ACSM2A: variants seen among roughly 807,000 people sequenced by gnomAD.
The protein encoded by ACSM2A is acyl-coenzyme A synthetase ACSM2A, mitochondrial.
ACSM2A carries 72 observed loss-of-function variants against 76.6 expected under a neutral mutation model. The ratio of observed to expected loss-of-function variants is 0.94; its 90% CI spans 0.78 to 1.14. ACSM2A has a LOEUF of 1.14. ACSM2A is among the 50% of genes most tolerant of loss of function. The pLI, the probability that ACSM2A is intolerant of heterozygous loss-of-function variation, is 0.00. For synonymous variants in ACSM2A, 249 were observed against 255.9 expected (o/e 0.97, Z 0.26); for missense variants, 684 against 708.5 (o/e 0.97, Z 0.39).
chr16:20,459,169 G>A (rs1304493624), intron 1 of ACSM2A, among the ~76,000 whole-genome samples: 1 of 151,798 alleles, frequency 6.6e-6, no homozygotes, highest in African/African-American at 2.4e-5. Context: ...AGGAGGTGAG[G>A]AATAAAAGGG....
intron 4 of ACSM2A, chr16:20,470,709 T>C: frequency 2.2e-6 from 1 of 447,346 alleles, no homozygotes; most frequent in Non-Finnish European, 4.4e-6. Context: ...ATGCCAGAGC[T>C]CTTCACAACA....
chr16:20,475,917 G>C, intron 8 of ACSM2A, 144 bp downstream of exon 8: 1 of 1,499,176 alleles, frequency 6.7e-7, no homozygotes. Flanking sequence ...CAGGTACTGA[G>C]TATTGAAAAT....
chr16:20,459,314 G>A (rs1041277741), intron 1 of ACSM2A, among the ~76,000 whole-genome samples: 1 of 152,104 alleles, frequency 6.6e-6, no homozygotes, highest in African/African-American at 2.4e-5. Context: ...TTTCTAAAGT[G>A]ATTGTGTTAG....
chr16:20,468,510 C>A (rs1405165759), intron 3 of ACSM2A, among the ~76,000 whole-genome samples: 1 of 152,170 alleles, frequency 6.6e-6, no homozygotes, highest in Non-Finnish European at 1.5e-5. Context: ...CAGGCGTGTG[C>A]CATCAAGCCC....
chr16:20,468,502 G>A (rs984296411), intron 3 of ACSM2A, among the ~76,000 whole-genome samples: 20 of 152,212 alleles, frequency 1.3e-4, no homozygotes, highest in Non-Finnish European at 1.5e-4. Flanking sequence ...TGGGATTACA[G>A]GCGTGTGCCA....
At chr16:20,467,220 T>C (rs1197644374) in intron 3 of ACSM2A, among the ~76,000 whole-genome samples, 1 of 152,160 alleles carries the variant, frequency 6.6e-6, no homozygotes, top group Admixed American at 6.5e-5. Context: ...AAGAAAGTAG[T>C]GGCAATAGAA....
At chr16:20,458,927 TATATAC>T (rs1411737695) in intron 1 of ACSM2A, among the ~76,000 whole-genome samples, 2,432 of 63,284 alleles carry the variant, frequency 0.038, 60 homozygotes, top group African/African-American at 0.15. Flanking sequence ...TATATATATA[TATATAC>T]ATATATATAT....
intron 3 of ACSM2A, among the ~76,000 whole-genome samples, chr16:20,466,126 A>T (rs2012980682): frequency 6.7e-6 from 1 of 149,902 alleles, no homozygotes; most frequent in African/African-American, 2.4e-5. Flanking sequence ...AAGTTTTATT[A>T]TAACACAGTA....
At chr16:20,472,830 G>C (rs1409769814) in intron 6 of ACSM2A, among the ~76,000 whole-genome samples, 1 of 152,114 alleles carries the variant, frequency 6.6e-6, no homozygotes, top group East Asian at 1.9e-4. Context: ...GTTTTAGCTG[G>C]CTGCAAAGTA....
rs1682873765 is a variant in ACSM2A, at chr16:20,486,978, G to A, written c.*300G>A. 4.1e-6 allele frequency: 1 copy of A among 245,356 alleles called. No homozygotes were observed. Among genetic ancestry groups the A allele is most frequent in the Non-Finnish European group, 7.7e-6 (1 of 129,468 alleles). 15.2% of individuals were successfully genotyped at this position (245,356 alleles called of 1,614,324 possible). On this transcript the variant is annotated 3_prime_UTR_variant, in exon 14 of 14. Coordinates refer to ENST00000573854, the MANE Select transcript of ACSM2A (RefSeq NM_001308172.2). ...AAGAAATAAAGTAGGGAAAGAAGGA[G>A]AGAGGAAGCAAGGGAAGGAGGAAGA... is the stretch of plus-strand genomic sequence containing the variant.
intron 2 of ACSM2A, among the ~76,000 whole-genome samples, chr16:20,462,975 G>T (rs1023987387): frequency 1.3e-5 from 2 of 149,910 alleles, no homozygotes; most frequent in African/African-American, 4.9e-5. Context: ...GCAAACTATC[G>T]CAAGGACAAA....
rs372070297 is a variant in ACSM2A at position 20,460,283 on chromosome 16, A to G, written c.169A>G (p.Met57Val). 8.0e-5 allele frequency: 129 copies of G among 1,613,586 alleles called. No homozygotes were observed. The highest frequency in any genetic ancestry group is 3.3e-4 in the Middle Eastern group (2 of 6,076). ...TGATGTGTTGGATCACTGGGCTGAC[A>G]TGGAGAAGGTAATGGGGTGGAAAAG... ...ASDVLDHWAD[M>V]EKAGKRLPSP... The change falls in exon 2 of 14, where the codon ATG (methionine) becomes GTG (valine). Residue 57 changes from methionine to valine, a missense_variant. Physicochemically the swap from Met to Val is conservative, Grantham distance 21. Around this residue, in one of 3 missense-constraint regions of ACSM2A, gnomAD observed 519 missense variants for 549.5 expected, o/e 0.94. Coordinates refer to ENST00000573854, the MANE Select transcript of ACSM2A (RefSeq NM_001308172.2).
At chr16:20,471,342 G>A (rs2141725725) in intron 5 of ACSM2A, 126 bp downstream of exon 5, 1 of 1,493,184 alleles carries the variant, frequency 6.7e-7, no homozygotes, top group Non-Finnish European at 9.0e-7. Context: ...ATCTCCTGTT[G>A]ATACAGGATG....
At chr16:20,464,637 C>T (rs1299342677) in intron 2 of ACSM2A, among the ~76,000 whole-genome samples, 2 of 152,036 alleles carry the variant, frequency 1.3e-5, no homozygotes, top group Non-Finnish European at 2.9e-5. Flanking sequence ...GATCCAATCA[C>T]CTCCCACCAA....
At chr16:20,477,285 G>T in intron 8 of ACSM2A, 84 bp from the exon 9 acceptor site, 1 of 1,560,326 alleles carries the variant, frequency 6.4e-7, no homozygotes, top group Middle Eastern at 1.7e-4. Flanking sequence ...ACAGTGTCAG[G>T]ACCTGCTCTG....
chr16:20,475,782 T>A lies in ACSM2A; in HGVS notation c.1098+9T>A. 1.2e-6 allele frequency: 2 copies of A among 1,613,448 alleles called. No individual in the cohort carries two copies. Among genetic ancestry groups the A allele is most frequent in the Non-Finnish European group, 1.7e-6 (2 of 1,179,650 alleles). On this transcript the variant is annotated intron_variant, in intron 8 of 13. Transcript: ENST00000573854. Reference sequence around the variant, plus strand: ...ATGGCCAGACAGAAACGGTACCTGTTCCCAGGGGAACCATGGGCTGTGTGC... The same window carrying A: ...ATGGCCAGACAGAAACGGTACCTGTACCCAGGGGAACCATGGGCTGTGTGC...
rs201507962 is a variant in ACSM2A at position 20,478,557 on chromosome 16, A to T, written c.1180-19A>T. 130 of 1,611,348 alleles carry T rather than the reference A, an allele frequency of 8.1e-5. No individual in the cohort carries two copies. Among genetic ancestry groups the T allele is most frequent in the Non-Finnish European group, 1.1e-4 (127 of 1,178,374 alleles). On this transcript the variant is annotated intron_variant, in intron 9 of 13. Coordinates refer to ENST00000573854, the MANE Select transcript of ACSM2A (RefSeq NM_001308172.2). ...CTCCTGCTGTGTGCATCATTCTTCC[A>T]ATCTGCTTCTTTCTCCAGATCATAG... is the stretch of plus-strand genomic sequence containing the variant.
intron 13 of ACSM2A, among the ~76,000 whole-genome samples, chr16:20,483,485 A>G (rs1199766918): frequency 7.2e-6 from 1 of 138,090 alleles, no homozygotes; most frequent in Non-Finnish European, 1.5e-5. Context: ...CATGAGAATC[A>G]CTTGAATCTG....
At chr16:20,481,731 G>A (rs1457755134) in intron 12 of ACSM2A, 1 of 144,092 alleles carries the variant, frequency 6.9e-6, no homozygotes, top group Non-Finnish European at 1.5e-5. Flanking sequence ...GACTTGAAAT[G>A]TTCTCAACAC....
Sources: allele counts gnomAD v4.1 joint callset (sites outside exome capture counted in the v4.1 genomes callset), GRCh38; gene constraint gnomAD v4.1.1; regional missense constraint gnomAD v4.1.1; transcripts MANE v1.5; gene names NCBI Gene and HGNC (gene_info 2026-07-23, HGNC 2026-07-21).